Variants in DYNC1LI1 observed in about 807,000 individuals in gnomAD.
The protein encoded by DYNC1LI1 is dynein cytoplasmic 1 light intermediate chain 1, also known as cytoplasmic dynein 1 light intermediate chain 1.
A neutral mutation model predicts 63.8 loss-of-function variants in DYNC1LI1; 19 were observed. That is an observed-to-expected ratio of 0.30 (90% CI 0.21 to 0.44). The LOEUF (loss-of-function observed/expected upper bound fraction) is 0.44. Ranked by LOEUF, DYNC1LI1 falls within the 20% of genes least tolerant of loss-of-function variation. DYNC1LI1 has a pLI of 1.00. For missense variants in DYNC1LI1, 565 were observed against 630.2 expected, an observed-to-expected ratio of 0.90 and a Z score of 1.11; for synonymous variants, 225 against 232.3, an observed-to-expected ratio of 0.97 and a Z score of 0.28.
intron 2 of DYNC1LI1, among the ~76,000 whole-genome samples, chr3:32,567,964 A>G (rs1350606150): frequency 6.6e-6 from 1 of 152,076 alleles, no homozygotes; most frequent in Non-Finnish European, 1.5e-5. Context: ...TAGGCCTCCT[A>G]AAGTCTGGGA....
intron 2 of DYNC1LI1, among the ~76,000 whole-genome samples, chr3:32,561,332 T>G (rs2125445148): frequency 6.6e-6 from 1 of 151,848 alleles, no homozygotes; most frequent in East Asian, 1.9e-4. Context: ...TCTCACATAC[T>G]GATGGTAAAA....
chr3:32,551,571 G>A (rs1363166589), intron 2 of DYNC1LI1, among the ~76,000 whole-genome samples: 1 of 152,168 alleles, frequency 6.6e-6, no homozygotes. Context: ...AAGAATGACT[G>A]ACAAGAGTAA....
chr3:32,549,196 A>G (rs1697998220), intron 2 of DYNC1LI1, among the ~76,000 whole-genome samples: 1 of 151,954 alleles, frequency 6.6e-6, no homozygotes, highest in African/African-American at 2.4e-5. Context: ...CTTATAAATC[A>G]GTATAGTTTC....
chr3:32,568,296 C>T (rs1698296077), intron 2 of DYNC1LI1, among the ~76,000 whole-genome samples: 1 of 152,174 alleles, frequency 6.6e-6, no homozygotes, highest in Non-Finnish European at 1.5e-5. Flanking sequence ...AGAGTGAATG[C>T]TGCCATATGT....
chr3:32,557,454 G>A (rs140403544), intron 2 of DYNC1LI1, among the ~76,000 whole-genome samples: 2,132 of 151,976 alleles, frequency 0.014, 20 homozygotes, highest in Middle Eastern at 0.044. Flanking sequence ...TCTAGGAGGC[G>A]GAGGCTGCAG....
At chr3:32,565,659 G>C (rs1351831948) in intron 2 of DYNC1LI1, among the ~76,000 whole-genome samples, 1 of 152,098 alleles carries the variant, frequency 6.6e-6, no homozygotes, top group Non-Finnish European at 1.5e-5. Flanking sequence ...ACCCAGGCTG[G>C]AGTGCAATGG....
rs553915006 is a variant in DYNC1LI1, at chr3:32,570,326, G to GCGAGGCAGGGAACACTTA, written c.220+2_220+19dup. ...GCCGCTGGGGGCCGGGCGGGGCGGG[G>GCGAGGCAGGGAACACTTA]CGAGGCAGGGAACACTTACCCAGCA... On this transcript the variant is annotated intron_variant, in intron 2 of 12. Transcript: ENST00000273130. 18,858 of 1,576,210 alleles carry GCGAGGCAGGGAACACTTA rather than the reference G, an allele frequency of 0.012. 189 individuals are homozygous for GCGAGGCAGGGAACACTTA. Among genetic ancestry groups the GCGAGGCAGGGAACACTTA allele is most frequent in the South Asian group, 0.035 (2,994 of 86,690 alleles).
chr3:32,537,997 TTTATATATATA>T (rs1697813753), intron 5 of DYNC1LI1, among the ~76,000 whole-genome samples: 4 of 50,988 alleles, frequency 7.8e-5, no homozygotes, highest in Admixed American at 7.8e-4. Context: ...ATATATATAA[TTTATATATATA>T]ATATATATAT....
chr3:32,535,082 G>C (rs1469063326), intron 6 of DYNC1LI1, among the ~76,000 whole-genome samples: 2 of 152,104 alleles, frequency 1.3e-5, no homozygotes, highest in Non-Finnish European at 2.9e-5. Context: ...ACAAAACCCA[G>C]GAATTAAAGA....
intron 2 of DYNC1LI1, among the ~76,000 whole-genome samples, chr3:32,555,794 C>A (rs925411541): frequency 6.6e-6 from 1 of 152,190 alleles, no homozygotes; most frequent in African/African-American, 2.4e-5. Context: ...CTGCAACTTA[C>A]ACTGAAATGC....
At chr3:32,530,873 C>T (rs1697686968) in intron 8 of DYNC1LI1, 1 of 198,170 alleles carries the variant, frequency 5.0e-6, no homozygotes, top group South Asian at 1.1e-4. Context: ...CCGTATTGAA[C>T]AGCACAACCC....
intron 2 of DYNC1LI1, among the ~76,000 whole-genome samples, chr3:32,567,703 CTTTT>C (rs749073673): frequency 0.023 from 2,754 of 122,096 alleles, 122 homozygotes; most frequent in East Asian, 0.2. Context: ...CATACCCGGC[CTTTT>C]TTTTTTTTTT....
chr3:32,536,623 T>C lies in DYNC1LI1; in HGVS notation c.832+388A>G, dbSNP rs185026093. On this transcript the variant is annotated intron_variant, in intron 6 of 12. Transcript: ENST00000273130. ...ACTGTTAGGCTATATGTGGAGAAGA[T>C]GACAACACACTAAACAAATTAAAAA... Among the ~76,000 whole-genome samples, 9 of 152,272 alleles carry C rather than the reference T, an allele frequency of 5.9e-5. No homozygotes were observed. The East Asian group carries it at 1.3e-3, about 23-fold the overall frequency.
At chr3:32,570,448 C>A (rs777572238) in intron 1 of DYNC1LI1, 29 bp from the exon 2 acceptor site, 2 of 1,562,378 alleles carry the variant, frequency 1.3e-6, no homozygotes, top group Admixed American at 1.8e-5. Flanking sequence ...TACGGTGAGG[C>A]CGGAGGCCGG....
intron 5 of DYNC1LI1, 164 bp from the exon 6 acceptor site, chr3:32,537,268 G>C (rs751998845): frequency 9.1e-5 from 36 of 395,518 alleles, no homozygotes; most frequent in Non-Finnish European, 1.4e-4. Flanking sequence ...TGAACTTTTA[G>C]TTGGAGGGAC....
At chr3:32,560,638 A>AT in intron 2 of DYNC1LI1, among the ~76,000 whole-genome samples, 1 of 152,078 alleles carries the variant, frequency 6.6e-6, no homozygotes, top group African/African-American at 2.4e-5. Context: ...TTCACATTAC[A>AT]TTAAAAAAAA....
chr3:32,564,346 C>G (rs959351578), intron 2 of DYNC1LI1, among the ~76,000 whole-genome samples: 1 of 152,140 alleles, frequency 6.6e-6, no homozygotes, highest in Admixed American at 6.5e-5. Flanking sequence ...AACAAACAAA[C>G]AAACACAGAG....
chr3:32,538,713 A>T lies in DYNC1LI1; in HGVS notation c.739-1609T>A, dbSNP rs1697835813. Among the ~76,000 whole-genome samples the T allele has an allele frequency of 2.6e-5, 4 of 151,946 alleles. No homozygotes were observed. In the South Asian group the frequency reaches 6.2e-4, roughly 24 times the overall value. On this transcript the variant is annotated intron_variant, in intron 5 of 12. Coordinates refer to ENST00000273130, the MANE Select transcript of DYNC1LI1 (RefSeq NM_016141.4). The stretch of plus-strand genomic sequence containing the variant: ...AAGGCTCCATATAAAAAAAAAAAAA[A>T]ATTTTTTTTAACTGAAATCAGAGGA...
rs913282134 is a variant in DYNC1LI1, at chr3:32,540,058, G to A, written c.738+979C>T. 5.9e-4 allele frequency among the ~76,000 whole-genome samples: 86 copies of A among 146,362 alleles called. 1 individual carries two copies. Among genetic ancestry groups the A allele is most frequent in the Non-Finnish European group, 1.1e-3 (71 of 66,488 alleles). ...TTTTTTGTATTTTTTTTTGGTAGAG[G>A]AGGGGTTTCACCGTTTTAGCCAGGA... On this transcript the variant is annotated intron_variant, in intron 5 of 12. Transcript: ENST00000273130.
Sources: gnomAD v4.1 joint callset for allele counts (sites outside exome capture counted in the v4.1 genomes callset) on GRCh38, gnomAD v4.1.1 for gene constraint, MANE v1.5 for transcripts, NCBI Gene and HGNC (gene_info 2026-07-23, HGNC 2026-07-21) for gene names.